Variants in LRP1B observed in about 807,000 individuals in gnomAD.
LRP1B encodes low-density lipoprotein receptor-related protein 1B.
In LRP1B, 217 loss-of-function variants were observed where a neutral mutation model predicts 556.6. The ratio of observed to expected loss-of-function variants is 0.39; its 90% CI spans 0.35 to 0.44. LRP1B has a LOEUF of 0.44. Ranked by LOEUF, LRP1B falls within the 20% of genes least tolerant of loss-of-function variation. LRP1B has a pLI of 1.00. For synonymous variants in LRP1B, 2,047 were observed against 1,865.8 expected (o/e 1.10, Z -2.50); for missense variants, 5,053 against 5,620.8 (o/e 0.90, Z 3.23).
chr2:141,723,766 A>G lies in LRP1B; in HGVS notation c.205+86513T>C, dbSNP rs537314439. ...TAAAACTGCATTTTTAAAAATAATT[A>G]TATTTCATGACCTAGTGTCTCTTCT... On this transcript the variant is annotated intron_variant, in intron 2 of 90. Transcript: ENST00000389484. Among the ~76,000 whole-genome samples the G allele has an allele frequency of 4.6e-5, 7 of 152,022 alleles. No homozygotes were observed. In the East Asian group the frequency reaches 1.4e-3, roughly 29 times the overall value.
intron 35 of LRP1B, among the ~76,000 whole-genome samples, chr2:140,732,663 A>C (rs1280829526): frequency 6.6e-6 from 1 of 152,048 alleles, no homozygotes; most frequent in Non-Finnish European, 1.5e-5. Context: ...CCAAAGGTTA[A>C]AGATTACATT....
intron 3 of LRP1B, among the ~76,000 whole-genome samples, chr2:141,371,446 C>T (rs576802214): frequency 6.6e-6 from 1 of 152,102 alleles, no homozygotes; most frequent in East Asian, 1.9e-4. Flanking sequence ...TTACATTGAA[C>T]CTGTAGATTG....
chr2:141,036,103 A>G (rs1252226151), intron 11 of LRP1B, among the ~76,000 whole-genome samples: 1 of 152,070 alleles, frequency 6.6e-6, no homozygotes. Context: ...TCCAAACAAA[A>G]GCTTAGGTCT....
At position 140,601,647 on chromosome 2, in the gene LRP1B, G is replaced by T. The variant is rs1483252434; in HGVS notation, c.6800-8C>A. On this transcript the variant is annotated splice_region_variant and splice_polypyrimidine_tract_variant and intron_variant, in intron 41 of 90. Coordinates refer to ENST00000389484, the MANE Select transcript of LRP1B (RefSeq NM_018557.3). ...CTTCCACAGAACCCACATCTAGTGG[G>T]GGAAGAAAAAGAAAAAATATATACT... 3 of 1,541,458 alleles carry T rather than the reference G, an allele frequency of 1.9e-6. No individual in the cohort carries two copies. Among genetic ancestry groups the T allele is most frequent in the East Asian group, 2.3e-5 (1 of 43,728 alleles).
chr2:142,111,291 A>G (rs1232428906), intron 1 of LRP1B, among the ~76,000 whole-genome samples: 1 of 152,068 alleles, frequency 6.6e-6, no homozygotes, highest in Admixed American at 6.6e-5. Context: ...GAGATTGTGT[A>G]TCATGGCCAG....
intron 1 of LRP1B, among the ~76,000 whole-genome samples, chr2:142,041,932 C>T (rs1434521891): frequency 6.6e-6 from 1 of 151,448 alleles, no homozygotes. Flanking sequence ...TAAAAGTAGT[C>T]TACACAATTA....
intron 9 of LRP1B, among the ~76,000 whole-genome samples, chr2:141,058,234 A>G (rs1406948531): frequency 6.6e-6 from 1 of 151,892 alleles, no homozygotes; most frequent in Admixed American, 6.6e-5. Context: ...GTGATTAGAT[A>G]TATGTTAATG....
chr2:141,926,231 G>A (rs755409562), intron 1 of LRP1B, among the ~76,000 whole-genome samples: 6 of 152,086 alleles, frequency 3.9e-5, no homozygotes, highest in South Asian at 2.1e-4. Context: ...TCCTTGTTGC[G>A]AGAAAGCTAG....
At chr2:140,577,674 C>A (rs923380508) in intron 43 of LRP1B, among the ~76,000 whole-genome samples, 3 of 152,030 alleles carry the variant, frequency 2.0e-5, no homozygotes, top group African/African-American at 4.8e-5. Flanking sequence ...TCCCCACCCC[C>A]CAGCCTCCCA....
chr2:140,807,983 T>C (rs1257478911), intron 32 of LRP1B, among the ~76,000 whole-genome samples: 3 of 152,076 alleles, frequency 2.0e-5, no homozygotes, highest in African/African-American at 7.2e-5. Flanking sequence ...TCCCAGCTAC[T>C]GGGGAGGCTG....
rs1683656895 is a variant in LRP1B, at chr2:141,236,670, T to C, written c.593-7230A>G. ...ATTCATGTCAGAAGTATAATTCATGTGTACGTTGAGGTAAAATGGAAACGT... is the reference window on the plus strand; with the variant it reads ...ATTCATGTCAGAAGTATAATTCATGCGTACGTTGAGGTAAAATGGAAACGT... On this transcript the variant is annotated intron_variant, in intron 5 of 90. Transcript: ENST00000389484. 2.0e-5 allele frequency among the ~76,000 whole-genome samples: 3 copies of C among 152,218 alleles called. 1 individual carries two copies. The South Asian group carries it at 6.2e-4, about 31-fold the overall frequency.
At chr2:141,812,446 G>T (rs1374754656) in intron 1 of LRP1B, among the ~76,000 whole-genome samples, 1 of 152,042 alleles carries the variant, frequency 6.6e-6, no homozygotes. Flanking sequence ...TGAAATGCTA[G>T]ATTTTATCTC....
intron 37 of LRP1B, among the ~76,000 whole-genome samples, chr2:140,708,558 C>T (rs1268547127): frequency 6.9e-6 from 1 of 144,592 alleles, no homozygotes; most frequent in East Asian, 2.0e-4. Flanking sequence ...AAAAATATTA[C>T]ACCATGTTAT....
intron 2 of LRP1B, among the ~76,000 whole-genome samples, chr2:141,773,000 T>C (rs1217782847): frequency 2.0e-5 from 3 of 152,204 alleles, no homozygotes; most frequent in African/African-American, 4.8e-5. Flanking sequence ...AAAGCAGCTA[T>C]TGATATACAA....
Position 141,905,765 on chromosome 2 carries a change from ATGTGTGTGTG to A in LRP1B, c.83-95374_83-95365del, listed in dbSNP as rs56309590. The stretch of plus-strand genomic sequence containing the variant: ...GAGAAAATGGATCTGGTTTGAATAG[ATGTGTGTGTG>A]TGTGTGTGTGTGTGTGTGTGTGTGT... On this transcript the variant is annotated intron_variant, in intron 1 of 90. Coordinates refer to ENST00000389484, the MANE Select transcript of LRP1B (RefSeq NM_018557.3). 8.9e-4 allele frequency among the ~76,000 whole-genome samples: 89 copies of A among 100,306 alleles called. 2 individuals are homozygous for A. Among genetic ancestry groups the A allele is most frequent in the East Asian group, 5.9e-3 (20 of 3,412 alleles). The allele number at this position is 100,306 out of a possible 152,430, so 65.8% of individuals were successfully genotyped here.
intron 77 of LRP1B, 56 bp from the exon 78 acceptor site, chr2:140,335,894 T>C: frequency 9.4e-7 from 1 of 1,065,738 alleles, no homozygotes; most frequent in South Asian, 1.3e-5. Flanking sequence ...TTAGCGGAGT[T>C]TTCTGTATCT....
chr2:141,614,075 A>G (rs533842586), intron 2 of LRP1B, among the ~76,000 whole-genome samples: 27 of 129,910 alleles, frequency 2.1e-4, no homozygotes, highest in African/African-American at 6.8e-4. Context: ...AGCAAAACTC[A>G]GCCTCAAAAA....
At chr2:141,831,799 CA>C (rs1333333638) in intron 1 of LRP1B, among the ~76,000 whole-genome samples, 1 of 151,508 alleles carries the variant, frequency 6.6e-6, no homozygotes, top group Non-Finnish European at 1.5e-5. Flanking sequence ...TGGGGGCGCT[CA>C]AAAAATATTA....
chr2:140,589,749 A>C (rs2105162073), intron 43 of LRP1B, among the ~76,000 whole-genome samples: 1 of 152,342 alleles, frequency 6.6e-6, no homozygotes, highest in African/African-American at 2.4e-5. Context: ...TTTATAAAGA[A>C]GTTATAAAGT....
Sources: gnomAD v4.1 joint callset for allele counts (sites outside exome capture counted in the v4.1 genomes callset) on GRCh38, gnomAD v4.1.1 for gene constraint, MANE v1.5 for transcripts, NCBI Gene and HGNC (gene_info 2026-07-23, HGNC 2026-07-21) for gene names.